Variants in DOK6 observed in about 807,000 individuals in gnomAD.
The protein encoded by DOK6 is docking protein 6.
In DOK6, 22 loss-of-function variants were observed where a neutral mutation model predicts 44.0. That is an observed-to-expected ratio of 0.50 (90% CI 0.36 to 0.71). The LOEUF is 0.71. Among genes scored for constraint, DOK6 ranks in the 30% least tolerant of loss-of-function variants. The probability of loss-of-function intolerance (pLI) is 0.00; values close to 1 mark genes in which losing one functional copy is unlikely to be tolerated. For synonymous variants in DOK6, 166 were observed against 145.5 expected (o/e 1.14, Z -1.01); for missense variants, 340 against 416.4 (o/e 0.82, Z 1.60).
chr18:69,423,304 C>CAAAT (rs1477005380), intron 1 of DOK6, among the ~76,000 whole-genome samples: 1 of 151,706 alleles, frequency 6.6e-6, no homozygotes, highest in Non-Finnish European at 1.5e-5. Context: ...CCTGTCTCAA[C>CAAAT]AAACAAACAA....
chr18:69,728,016 C>T (rs1017440042), intron 5 of DOK6, among the ~76,000 whole-genome samples: 1 of 152,240 alleles, frequency 6.6e-6, no homozygotes, highest in East Asian at 1.9e-4. Context: ...TCCAGGCTGG[C>T]ATCTGCTGTA....
At chr18:69,545,397 G>A (rs2144584028) in intron 1 of DOK6, among the ~76,000 whole-genome samples, 1 of 148,754 alleles carries the variant, frequency 6.7e-6, no homozygotes, top group South Asian at 2.1e-4. Flanking sequence ...ACTTGCTGCT[G>A]TTTAGGAAAC....
At chr18:69,564,864 G>A (rs1440290277) in intron 2 of DOK6, among the ~76,000 whole-genome samples, 1 of 152,136 alleles carries the variant, frequency 6.6e-6, no homozygotes, top group African/African-American at 2.4e-5. Flanking sequence ...CTAAGGTGCT[G>A]AGTAGGTATT....
At chr18:69,517,105 G>A (rs562994531) in intron 1 of DOK6, among the ~76,000 whole-genome samples, 111 of 152,228 alleles carry the variant, frequency 7.3e-4, no homozygotes, top group Non-Finnish European at 1.2e-3. Flanking sequence ...TCACAGTTCC[G>A]TTTGTGGATA....
chr18:69,408,160 T>C (rs1403313479), intron 1 of DOK6, among the ~76,000 whole-genome samples: 1 of 152,200 alleles, frequency 6.6e-6, no homozygotes, highest in Non-Finnish European at 1.5e-5. Flanking sequence ...ATAGCTGTTA[T>C]AGAACAGCCA....
chr18:69,622,176 G>A (rs973908079), intron 3 of DOK6, among the ~76,000 whole-genome samples: 1 of 152,128 alleles, frequency 6.6e-6, no homozygotes, highest in African/African-American at 2.4e-5. Flanking sequence ...TCTGCTTATT[G>A]TGTTTTCCAG....
chr18:69,775,623 A>G (rs1980038737), intron 7 of DOK6, among the ~76,000 whole-genome samples: 1 of 151,752 alleles, frequency 6.6e-6, no homozygotes, highest in South Asian at 2.1e-4. Flanking sequence ...AAATATAGAA[A>G]GAAAAAAGAG....
intron 1 of DOK6, among the ~76,000 whole-genome samples, chr18:69,550,104 A>C (rs1307354415): frequency 6.7e-6 from 1 of 149,910 alleles, no homozygotes; most frequent in Non-Finnish European, 1.5e-5. Flanking sequence ...CATTTTTGAC[A>C]AAAAATAATC....
chr18:69,595,017 A>T (rs183188597), intron 2 of DOK6, among the ~76,000 whole-genome samples: 2 of 152,266 alleles, frequency 1.3e-5, no homozygotes, highest in African/African-American at 4.8e-5. Flanking sequence ...CAATACCTCA[A>T]AAAATAAAAT....
chr18:69,558,894 A>T (rs973023398), intron 1 of DOK6, among the ~76,000 whole-genome samples: 1 of 152,136 alleles, frequency 6.6e-6, no homozygotes, highest in East Asian at 1.9e-4. Flanking sequence ...TACCATTGTT[A>T]TATAGGATGC....
chr18:69,741,172 C>T (rs1978786744), intron 6 of DOK6, among the ~76,000 whole-genome samples: 1 of 152,166 alleles, frequency 6.6e-6, no homozygotes, highest in Non-Finnish European at 1.5e-5. Context: ...AAACAGCAGG[C>T]TCAGCAAGGC....
intron 1 of DOK6, among the ~76,000 whole-genome samples, chr18:69,539,467 CT>C (rs71176979): frequency 0.024 from 3,372 of 140,318 alleles, 137 homozygotes; most frequent in African/African-American, 0.081. Context: ...ACAAAAACAG[CT>C]TTTTTTTTTT....
At chr18:69,762,934 A>G (rs1427887851) in intron 7 of DOK6, among the ~76,000 whole-genome samples, 1 of 152,230 alleles carries the variant, frequency 6.6e-6, no homozygotes, top group Non-Finnish European at 1.5e-5. Context: ...GCCTTAAAGT[A>G]AGAAAAAGTC....
At chr18:69,641,838 C>CA (rs148011704) in intron 3 of DOK6, among the ~76,000 whole-genome samples, 7,605 of 151,876 alleles carry the variant, frequency 0.05, 218 homozygotes, top group Middle Eastern at 0.095. Flanking sequence ...AAAACACACA[C>CA]ACAAAAAAAG....
At position 69,429,484 on chromosome 18, in the gene DOK6, T is replaced by G. The variant is rs1173963754; in HGVS notation, c.66+28174T>G. 5.9e-5 allele frequency among the ~76,000 whole-genome samples: 9 copies of G among 151,676 alleles called. No homozygotes were observed. In the South Asian group the frequency reaches 1.7e-3, roughly 28 times the overall value. On this transcript the variant is annotated intron_variant, in intron 1 of 7. Transcript: ENST00000382713. ...CAAAAATATATTGGAAATAGTTTCT[T>G]AGATTCCTGTTTGTACTTGAGATTT...
chr18:69,658,310 T>G (rs927866032), intron 3 of DOK6, among the ~76,000 whole-genome samples: 13 of 152,170 alleles, frequency 8.5e-5, no homozygotes, highest in Non-Finnish European at 1.6e-4. Context: ...AATCTTCACA[T>G]GCACTTTAAA....
intron 5 of DOK6, among the ~76,000 whole-genome samples, chr18:69,736,719 C>T (rs913962259): frequency 6.6e-6 from 1 of 152,150 alleles, no homozygotes; most frequent in Non-Finnish European, 1.5e-5. Flanking sequence ...CCCTTTTTGA[C>T]ATATTTATTT....
At chr18:69,592,699 G>A (rs1983649700) in intron 2 of DOK6, among the ~76,000 whole-genome samples, 1 of 151,986 alleles carries the variant, frequency 6.6e-6, no homozygotes, top group African/African-American at 2.4e-5. Context: ...AAATAATTAA[G>A]TTTAATGCTT....
intron 2 of DOK6, among the ~76,000 whole-genome samples, chr18:69,576,812 G>A (rs1453593867): frequency 6.6e-6 from 1 of 152,072 alleles, no homozygotes; most frequent in Non-Finnish European, 1.5e-5. Flanking sequence ...CTGAACTAGA[G>A]CAATTTACAT....
Sources: gnomAD v4.1 joint callset for allele counts (sites outside exome capture counted in the v4.1 genomes callset) on GRCh38, gnomAD v4.1.1 for gene constraint, MANE v1.5 for transcripts, NCBI Gene and HGNC (gene_info 2026-07-23, HGNC 2026-07-21) for gene names.